Variants in PDE4D observed in about 807,000 individuals in gnomAD.
The protein encoded by PDE4D is phosphodiesterase 4D, also known as 3',5'-cyclic-AMP phosphodiesterase 4D.
PDE4D carries 24 observed loss-of-function variants against 87.4 expected under a neutral mutation model. The ratio of observed to expected loss-of-function variants is 0.27; its 90% CI spans 0.20 to 0.39. The LOEUF (loss-of-function observed/expected upper bound fraction) is 0.39. Among genes scored for constraint, PDE4D ranks in the 10% least tolerant of loss-of-function variants. PDE4D has a pLI of 1.00. For synonymous variants in PDE4D, 384 were observed against 383.2 expected (o/e 1.00, Z -0.02); for missense variants, 714 against 1,041.0 (o/e 0.69, Z 4.32).
intron 1 of PDE4D, among the ~76,000 whole-genome samples, chr5:60,265,762 C>T (rs1198660734): frequency 6.6e-6 from 1 of 152,134 alleles, no homozygotes; most frequent in East Asian, 1.9e-4. Flanking sequence ...TAACACCTTG[C>T]TCCTTCAAAA....
At chr5:59,252,422 C>T (rs919575503) in intron 1 of PDE4D, among the ~76,000 whole-genome samples, 10 of 152,138 alleles carry the variant, frequency 6.6e-5, no homozygotes, top group African/African-American at 2.4e-4. Flanking sequence ...CAAGCCTCAG[C>T]CCAACTAACC....
chr5:59,091,000 A>C (rs1768630689), intron 5 of PDE4D: 1 of 401,310 alleles, frequency 2.5e-6, no homozygotes, highest in African/African-American at 2.1e-5. Context: ...GCTGTTTAGA[A>C]AGTACTTTTC....
At chr5:60,318,155 A>C (rs1290721653) in intron 1 of PDE4D, among the ~76,000 whole-genome samples, 1 of 152,156 alleles carries the variant, frequency 6.6e-6, no homozygotes, top group Admixed American at 6.5e-5. Flanking sequence ...TTGCTTTATG[A>C]ATCTGGGTAC....
At chr5:60,237,625 G>A (rs562857895) in intron 1 of PDE4D, among the ~76,000 whole-genome samples, 1 of 152,118 alleles carries the variant, frequency 6.6e-6, no homozygotes, top group Admixed American at 6.6e-5. Flanking sequence ...GGTGGCAAAG[G>A]AGTGTGGCTG....
chr5:59,244,676 GTGTC>G (rs1312752336), intron 1 of PDE4D, among the ~76,000 whole-genome samples: 31 of 90,436 alleles, frequency 3.4e-4, no homozygotes, highest in Non-Finnish European at 4.9e-4. Flanking sequence ...GTATGTGTGT[GTGTC>G]TGTGTGTGTG....
intron 1 of PDE4D, chr5:59,276,225 C>G (rs979254618): frequency 1.1e-5 from 8 of 742,526 alleles, no homozygotes; most frequent in Non-Finnish European, 1.3e-5. Flanking sequence ...GAGACCAGCA[C>G]TGTAAACCGG....
chr5:59,328,522 T>C (rs779112194), intron 1 of PDE4D, among the ~76,000 whole-genome samples: 1 of 152,138 alleles, frequency 6.6e-6, no homozygotes, highest in African/African-American at 2.4e-5. Flanking sequence ...AAGTGTATGT[T>C]GGGAGAACAA....
At chr5:59,236,095 CTAATT>C (rs1231105710) in intron 1 of PDE4D, among the ~76,000 whole-genome samples, 1 of 152,180 alleles carries the variant, frequency 6.6e-6, no homozygotes, top group Non-Finnish European at 1.5e-5. Context: ...GTTTGGGCTT[CTAATT>C]ATCTTGTCAC....
At chr5:59,659,212 G>T (rs1425333515) in intron 1 of PDE4D, among the ~76,000 whole-genome samples, 1 of 152,228 alleles carries the variant, frequency 6.6e-6, no homozygotes, top group African/African-American at 2.4e-5. Context: ...AATCACTTGG[G>T]TGGGTGAACA....
At chr5:59,707,692 T>C (rs1041451238) in intron 1 of PDE4D, among the ~76,000 whole-genome samples, 15 of 152,058 alleles carry the variant, frequency 9.9e-5, no homozygotes, top group African/African-American at 3.6e-4. Context: ...CAGGCCCCAG[T>C]GTGTGTTGTT....
At chr5:59,721,212 C>A (rs1182552836) in intron 1 of PDE4D, among the ~76,000 whole-genome samples, 1 of 152,134 alleles carries the variant, frequency 6.6e-6, no homozygotes, top group Non-Finnish European at 1.5e-5. Flanking sequence ...TTTTATACAT[C>A]ATTAAACTTG....
At chr5:60,462,685 TA>T (rs1055785395) in intron 1 of PDE4D, among the ~76,000 whole-genome samples, 2 of 152,098 alleles carry the variant, frequency 1.3e-5, no homozygotes, top group African/African-American at 2.4e-5. Flanking sequence ...AACTAGGATA[TA>T]AAGTCATCCC....
chr5:59,179,830 T>C (rs746613494), intron 5 of PDE4D: 2 of 302,820 alleles, frequency 6.6e-6, no homozygotes, highest in Non-Finnish European at 1.3e-5. Context: ...CAGGCAATTA[T>C]TTTAATGAAT....
At chr5:60,478,045 T>C (rs1257332847) in intron 1 of PDE4D, among the ~76,000 whole-genome samples, 2 of 152,198 alleles carry the variant, frequency 1.3e-5, no homozygotes, top group Non-Finnish European at 2.9e-5. Context: ...TACACAACAA[T>C]AGCTAACTGA....
intron 1 of PDE4D, among the ~76,000 whole-genome samples, chr5:59,870,802 G>A (rs1183081925): frequency 1.3e-5 from 2 of 152,150 alleles, no homozygotes; most frequent in Non-Finnish European, 2.9e-5. Context: ...TCTTGGCTAC[G>A]AAAGGTGAAG....
intron 2 of PDE4D, among the ~76,000 whole-genome samples, chr5:59,205,691 CA>C (rs1748614743): frequency 2.6e-5 from 4 of 151,078 alleles, no homozygotes; most frequent in Non-Finnish European, 4.4e-5. Flanking sequence ...CACACACACA[CA>C]CACACACCAA....
chr5:59,440,144 T>C (rs1797380340), intron 1 of PDE4D, among the ~76,000 whole-genome samples: 1 of 152,226 alleles, frequency 6.6e-6, no homozygotes, highest in African/African-American at 2.4e-5. Context: ...TATCACTAGA[T>C]AATTTAATAT....
At chr5:60,365,334 T>C (rs984072522) in intron 1 of PDE4D, among the ~76,000 whole-genome samples, 1 of 152,184 alleles carries the variant, frequency 6.6e-6, no homozygotes, top group Non-Finnish European at 1.5e-5. Flanking sequence ...CCTTTTGAAA[T>C]GTCAGAAGAT....
chr5:59,647,045 A>G (rs1171543501), intron 1 of PDE4D, among the ~76,000 whole-genome samples: 1 of 151,730 alleles, frequency 6.6e-6, no homozygotes, highest in Non-Finnish European at 1.5e-5. Context: ...AAACAAAAAC[A>G]AAAAAAAATT....
Sources: allele counts gnomAD v4.1 joint callset (sites outside exome capture counted in the v4.1 genomes callset), GRCh38; gene constraint gnomAD v4.1.1; transcripts MANE v1.5; gene names NCBI Gene and HGNC (gene_info 2026-07-23, HGNC 2026-07-21).